BIRC6: variants seen among roughly 807,000 people sequenced by gnomAD.
The protein encoded by BIRC6 is baculoviral IAP repeat containing 6, also known as dual E2 ubiquitin-conjugating enzyme/E3 ubiquitin-protein ligase BIRC6.
BIRC6 carries 98 observed loss-of-function variants against 503.3 expected under a neutral mutation model. The ratio of observed to expected loss-of-function variants is 0.19; its 90% CI spans 0.17 to 0.23. The LOEUF (loss-of-function observed/expected upper bound fraction) is 0.23, where lower values mean the gene tolerates loss of function less well. BIRC6 is among the 10% of genes least tolerant of loss of function. BIRC6 has a pLI of 1.00. For synonymous variants in BIRC6, 2,240 were observed against 2,078.7 expected, an observed-to-expected ratio of 1.08 and a Z score of -2.11; for missense variants, 5,360 against 5,806.0, an observed-to-expected ratio of 0.92 and a Z score of 2.50.
Position 32,442,307 on chromosome 2 carries a change from C to G in BIRC6, c.4107-17C>G, listed in dbSNP as rs1479353874. 6.2e-7 allele frequency: 1 copy of G among 1,612,620 alleles called. No individual in the cohort carries two copies. Among genetic ancestry groups the G allele is most frequent in the Non-Finnish European group, 8.5e-7 (1 of 1,179,330 alleles). On this transcript the variant is annotated splice_polypyrimidine_tract_variant and intron_variant, in intron 18 of 73. Transcript: ENST00000421745. Reference sequence around the variant, plus strand: ...GAAAGTTCAGGATGAGTCTAAATGTCTGCTATTGTTTTGCAGCTCAAAGGA... The same window carrying G: ...GAAAGTTCAGGATGAGTCTAAATGTGTGCTATTGTTTTGCAGCTCAAAGGA...
chr2:32,427,902 G>C (rs2043702774), intron 10 of BIRC6, among the ~76,000 whole-genome samples: 1 of 152,100 alleles, frequency 6.6e-6, no homozygotes, highest in African/African-American at 2.4e-5. Flanking sequence ...TGTTTGTTTT[G>C]TGAAAACAAA....
In BIRC6 at chr2:32,505,046, G is replaced by C; in HGVS notation, c.9541G>C (p.Val3181Leu). The C allele has an allele frequency of 6.2e-7, 1 of 1,613,844 alleles. No homozygotes were observed. The part of the protein sequence containing the change: ...SSSPTAQPAE[V>L]LLQATPPHRR... ...CAGTCCTACTGCCCAACCAGCTGAA[G>C]TGCTATTGCAGGCCACACCTCCTCA... Residue 3181 changes from valine to leucine, a missense_variant, in exon 50 of 74, where the codon GTG becomes CTG. Physicochemically the swap from Val to Leu is conservative, Grantham distance 32 (BLOSUM62 1). Transcript: ENST00000421745.
At chr2:32,572,436 G>T (rs1415931456) in intron 65 of BIRC6, among the ~76,000 whole-genome samples, 1 of 152,118 alleles carries the variant, frequency 6.6e-6, no homozygotes, top group African/African-American at 2.4e-5. Context: ...ACATTTCTTT[G>T]TAGGGTAGAC....
intron 12 of BIRC6, among the ~76,000 whole-genome samples, chr2:32,432,081 G>C (rs1353189699): frequency 6.6e-6 from 1 of 152,126 alleles, no homozygotes; most frequent in Non-Finnish European, 1.5e-5. Context: ...TTGTTGGAGT[G>C]CTGTGAATAT....
chr2:32,518,684 A>C, intron 56 of BIRC6, 133 bp from the exon 57 acceptor site: 1 of 1,115,656 alleles, frequency 9.0e-7, no homozygotes, highest in Non-Finnish European at 1.2e-6. Flanking sequence ...CATGGCAACT[A>C]TGCCATATCT....
rs535588748 is a variant in BIRC6 at position 32,599,681 on chromosome 2, C to T, written c.13831-58C>T. On this transcript the variant is annotated intron_variant, in intron 69 of 73. Coordinates refer to ENST00000421745, the MANE Select transcript of BIRC6 (RefSeq NM_016252.4). ...TTATTTCATGTTGGATTGTATTTTT[C>T]TAAATATCAGTGTTTAGGAATGTTA... 12 of 1,510,184 alleles carry T rather than the reference C, an allele frequency of 7.9e-6. No individual in the cohort carries two copies. The South Asian group carries it at 1.3e-4, about 16-fold the overall frequency. The allele number at this position is 1,510,184 out of a possible 1,614,324, so 93.5% of individuals were successfully genotyped here.
At chr2:32,422,738 TCTTA>T (rs957355276) in intron 10 of BIRC6, among the ~76,000 whole-genome samples, 9 of 152,346 alleles carry the variant, frequency 5.9e-5, no homozygotes, top group African/African-American at 2.2e-4. Context: ...GATTTTCCTC[TCTTA>T]CTATGTTTTA....
At position 32,509,978 on chromosome 2, in the gene BIRC6, A is replaced by G. The variant is rs771801553; in HGVS notation, c.10221A>G (p.Ser3407=). ...IDILLRNCAA[S]GSDPTDLNSP... is the part of the protein sequence containing the mutation. ...TTCTCCTGAGAAATTGTGCAGCATC[A>G]GGCAGTGATCCTACAGGTGATAATT... is the stretch of plus-strand genomic sequence containing the variant. The change falls in exon 52 of 74, where the codon TCA becomes TCG. Residue 3407 remains serine (S), a synonymous_variant. Transcript: ENST00000421745. 3.1e-6 allele frequency: 5 copies of G among 1,613,832 alleles called. No homozygotes were observed. In the African/African-American group the frequency reaches 6.7e-5, roughly 22 times the overall value.
chr2:32,499,512 TCTC>T, intron 45 of BIRC6, 32 bp from the exon 46 acceptor site: 2 of 1,484,968 alleles, frequency 1.3e-6, no homozygotes, highest in South Asian at 1.3e-5. Context: ...TCTCTCTCTC[TCTC>T]TTTTTCTGTC....
chr2:32,442,223 G>A lies in BIRC6; in HGVS notation c.4103G>A (p.Gly1368Glu). 1 of 1,603,884 alleles carries A rather than the reference G, an allele frequency of 6.2e-7. No individual in the cohort carries two copies. Residue 1368 changes from glycine to glutamate, a missense_variant, in exon 18 of 74, where the codon GGA (glycine) becomes GAA (glutamate). Physicochemically the swap from Gly to Glu is moderately conservative, Grantham distance 98 (BLOSUM62 -2). Transcript: ENST00000421745. ...WLAGVHSNGP[G>E]SSKEGNENLL... ...GCTGGAGTTCATTCAAATGGACCCG[G>A]AAGGTTAATAATTAAAATTTTGCTT...
At chr2:32,395,691 T>G (rs2039795068) in intron 6 of BIRC6, 98 bp downstream of exon 6, 2 of 995,728 alleles carry the variant, frequency 2.0e-6, no homozygotes, top group Non-Finnish European at 3.1e-6. Flanking sequence ...TTTTTGCCTT[T>G]TTGCCACCTA....
chr2:32,380,625 C>T (rs1265970053), intron 3 of BIRC6, among the ~76,000 whole-genome samples: 1 of 152,194 alleles, frequency 6.6e-6, no homozygotes, highest in East Asian at 1.9e-4. Flanking sequence ...TACTTGGAGG[C>T]TGAGACATGA....
chr2:32,561,815 G>A (rs930314815), intron 65 of BIRC6, among the ~76,000 whole-genome samples: 5 of 150,428 alleles, frequency 3.3e-5, no homozygotes, highest in Non-Finnish European at 7.4e-5. Flanking sequence ...AGGCTGAGGC[G>A]GGCGGATCAC....
rs568112499 is a variant in BIRC6, at chr2:32,358,220, A to G, written c.325+734A>G. ...ACGAGAAAGTCAGGACCTGTGGTGT[A>G]TGAAATAGATTCCTTTGGGTTTGTA... On this transcript the variant is annotated intron_variant, in intron 1 of 73. Transcript: ENST00000421745. Among the ~76,000 whole-genome samples, 10 of 152,322 alleles carry G rather than the reference A, an allele frequency of 6.6e-5. No homozygotes were observed. The South Asian group carries it at 2.1e-3, about 32-fold the overall frequency.
intron 51 of BIRC6, 63 bp from the exon 52 acceptor site, chr2:32,509,675 T>C (rs1227341081): frequency 2.2e-5 from 34 of 1,572,518 alleles, no homozygotes; most frequent in Non-Finnish European, 2.9e-5. Flanking sequence ...TAAAAAGTTA[T>C]GTTCTACCCC....
chr2:32,365,401 C>T (rs1425888074), intron 1 of BIRC6, among the ~76,000 whole-genome samples: 2 of 150,108 alleles, frequency 1.3e-5, no homozygotes, highest in South Asian at 2.1e-4. Context: ...CTCACTGCAA[C>T]CTCCGCCTCT....
intron 73 of BIRC6, among the ~76,000 whole-genome samples, chr2:32,613,466 A>C (rs966380153): frequency 5.3e-5 from 8 of 151,226 alleles, no homozygotes; most frequent in Non-Finnish European, 8.8e-5. Context: ...CTGCAGCCTT[A>C]ACCTCCTGGG....
chr2:32,432,655 G>A (rs890163834), intron 12 of BIRC6, among the ~76,000 whole-genome samples: 18 of 151,834 alleles, frequency 1.2e-4, no homozygotes, highest in African/African-American at 4.3e-4. Flanking sequence ...AGATACTTGG[G>A]AAACTGAGGT....
intron 22 of BIRC6, 31 bp downstream of exon 22, chr2:32,448,959 G>T: frequency 6.3e-7 from 1 of 1,592,390 alleles, no homozygotes. Context: ...AGGAAATTCT[G>T]AATGTTGTAT....
Sources: gnomAD v4.1 joint callset for allele counts (sites outside exome capture counted in the v4.1 genomes callset) on GRCh38, gnomAD v4.1.1 for gene constraint, MANE v1.5 for transcripts, NCBI Gene and HGNC (gene_info 2026-07-23, HGNC 2026-07-21) for gene names.